SLC29A1: variants seen among roughly 807,000 people sequenced by gnomAD.
SLC29A1 encodes the protein solute carrier family 29 member 1 (Augustine blood group).
Under a neutral mutation model 48.3 loss-of-function variants are expected in SLC29A1, and 22 were observed. The observed-to-expected ratio is 0.46, with a 90% CI of 0.33 to 0.65. SLC29A1 has a LOEUF of 0.65. SLC29A1 is among the 30% of genes least tolerant of loss of function. The pLI is 0.03. For missense variants in SLC29A1, 491 were observed against 575.3 expected (o/e 0.85, Z 1.50); for synonymous variants, 228 against 231.0 (o/e 0.99, Z 0.12).
At chr6:44,228,029 G>A (rs951796634) in intron 2 of SLC29A1, among the ~76,000 whole-genome samples, 4 of 152,190 alleles carry the variant, frequency 2.6e-5, no homozygotes, top group African/African-American at 9.7e-5. Context: ...TGCCTGTGGG[G>A]GCTTTGAGCA....
rs1779014561 is a variant in SLC29A1 at position 44,232,030 on chromosome 6, C to G, written c.897C>G (p.Ile299Met). 1 of 1,614,010 alleles carries G rather than the reference C, an allele frequency of 6.2e-7. No individual in the cohort carries two copies. The highest frequency in any genetic ancestry group is 2.2e-5 in the East Asian group (1 of 44,880). Reference protein sequence around the residue: ...ISVLAFSVCFIFTITIGMFPA... With the variant: ...ISVLAFSVCFMFTITIGMFPA... ...TCCTGGCTTTCTCTGTCTGCTTCAT[C>G]TTCACTATCACCATTGGGATGTTTC... Residue 299 changes from isoleucine (I) to methionine (M), a missense_variant, in exon 10 of 13, where the codon ATC (isoleucine) becomes ATG (methionine). Physicochemically the swap from Ile to Met is conservative, Grantham distance 10. Transcript: ENST00000371755. This position sits in a 1 kb window ranked among gnomAD's most constrained non-coding sequence, Gnocchi z 4.7.
chr6:44,226,014 C>G (rs1163367445), intron 1 of SLC29A1: 1 of 707,244 alleles, frequency 1.4e-6, no homozygotes, highest in South Asian at 6.3e-5. Flanking sequence ...GGGACTCTCT[C>G]CTGATAACAC....
chr6:44,231,876 G>T (rs937226929), intron 9 of SLC29A1, 122 bp from the exon 10 acceptor site: 5 of 674,660 alleles, frequency 7.4e-6, no homozygotes, highest in Non-Finnish European at 1.3e-5. Flanking sequence ...CACCCACCTC[G>T]GCCTCCCAAA....
upstream of SLC29A1, chr6:44,223,496 G>T: frequency 9.7e-7 from 1 of 1,026,290 alleles, no homozygotes; most frequent in South Asian, 3.0e-5. The surrounding 1 kb of genome is among the most constrained non-coding windows in gnomAD (Gnocchi z 5.0). Context: ...TGGGCCGGGG[G>T]CGGGGCCGCG....
chr6:44,219,702 G>A (rs1776094083), upstream of SLC29A1: 22 of 1,288,814 alleles, frequency 1.7e-5, no homozygotes, highest in Non-Finnish European at 2.2e-5. Context: ...CCGAGATGAG[G>A]AGGGAGAGAA....
chr6:44,222,373 C>G (rs1189689783), upstream of SLC29A1, among the ~76,000 whole-genome samples: 1 of 152,098 alleles, frequency 6.6e-6, no homozygotes, highest in Admixed American at 6.5e-5. Context: ...GAGCCACTGA[C>G]CCTAATTAGA....
At chr6:44,225,521 A>G (rs1232509748) in intron 1 of SLC29A1, among the ~76,000 whole-genome samples, 1 of 151,886 alleles carries the variant, frequency 6.6e-6, no homozygotes, top group Non-Finnish European at 1.5e-5. Flanking sequence ...AAAAAAAAAA[A>G]AAAGAAAAAA....
At chr6:44,221,048 T>C (rs894516916), upstream of SLC29A1, among the ~76,000 whole-genome samples, 4 of 151,908 alleles carry the variant, frequency 2.6e-5, no homozygotes, top group Non-Finnish European at 5.9e-5. The surrounding 1 kb of genome is among the most constrained non-coding windows in gnomAD (Gnocchi z 4.2). Flanking sequence ...CCTGGCTAAT[T>C]TATTTTAATT....
intron 2 of SLC29A1, among the ~76,000 whole-genome samples, chr6:44,227,960 G>A (rs554537665): frequency 2.0e-5 from 3 of 152,256 alleles, no homozygotes; most frequent in Admixed American, 6.5e-5. Flanking sequence ...AACCCATCAC[G>A]TCTGCCCTAC....
Position 44,232,442 on chromosome 6 carries a change from G to A in SLC29A1, c.1059+14G>A, listed in dbSNP as rs760010151. The A allele has an allele frequency of 5.7e-6, 9 of 1,575,816 alleles. No individual in the cohort carries two copies. The highest frequency in any genetic ancestry group is 7.9e-6 in the Non-Finnish European group (9 of 1,145,720). On this transcript the variant is annotated intron_variant, in intron 11 of 12. Coordinates refer to ENST00000371755, the MANE Select transcript of SLC29A1 (RefSeq NM_001372327.1). This position sits in a 1 kb window ranked among gnomAD's most constrained non-coding sequence, Gnocchi z 4.7. Reference sequence around the variant, plus strand: ...GTATTCATGTGGGTAAGTGGAGGAAGAGGGCCCCAGGCCCCTGTGGGAAGT... The same window carrying A: ...GTATTCATGTGGGTAAGTGGAGGAAAAGGGCCCCAGGCCCCTGTGGGAAGT...
At position 44,231,448 on chromosome 6, in the gene SLC29A1, C is replaced by T; in HGVS notation, c.851C>T (p.Ala284Val). The T allele has an allele frequency of 6.2e-7, 1 of 1,603,344 alleles. No individual in the cohort carries two copies. The highest frequency in any genetic ancestry group is 8.5e-7 in the Non-Finnish European group (1 of 1,172,570). ...QPTNESHSIK[A>V]ILKNISVLAF... ...ACCAATGAAAGCCACTCTATCAAAG[C>T]CATCCTGAAAAATGTACGTAGGGGA... The change falls in exon 9 of 13, where the codon GCC becomes GTC. Residue 284 changes from alanine to valine, a missense_variant. Coordinates refer to ENST00000371755, the MANE Select transcript of SLC29A1 (RefSeq NM_001372327.1).
In SLC29A1 at chr6:44,233,650, G is replaced by A. The variant is rs1180332719; in HGVS notation, c.*122G>A. ...CTTCTAACTGACTTCTGCTTTCCAC[G>A]GCGTGTGCTGGGCCCGGATCTCCAG... On this transcript the variant is annotated 3_prime_UTR_variant, in exon 13 of 13. Transcript: ENST00000371755. 2.7e-6 allele frequency: 2 copies of A among 752,908 alleles called. No homozygotes were observed. The highest frequency in any genetic ancestry group is 4.4e-5 in the Admixed American group (2 of 45,724). The allele number at this position is 752,908 out of a possible 1,614,324, so 46.6% of individuals were successfully genotyped here.
At position 44,226,853 on chromosome 6, in the gene SLC29A1, C is replaced by T. The variant is rs116419665; in HGVS notation, c.-51-410C>T. The T allele has an allele frequency of 2.0e-3, 2,025 of 1,026,568 alleles. 31 individuals carry two copies. The African/African-American group carries it at 0.032, about 16-fold the overall frequency. 63.6% of individuals were successfully genotyped at this position (1,026,568 alleles called of 1,614,324 possible). On this transcript the variant is annotated intron_variant, in intron 1 of 12. Transcript: ENST00000371755. ...TGTGTCTCCTCCATTTGTCTCCCTCCTTCCCTTGTCATCACTGTCCCTGAC... is the reference window on the plus strand; with the variant it reads ...TGTGTCTCCTCCATTTGTCTCCCTCTTTCCCTTGTCATCACTGTCCCTGAC...
rs2153286635 is a variant in SLC29A1, at chr6:44,227,259, G to T, written c.-51-4G>T. 1 of 1,613,024 alleles carries T rather than the reference G, an allele frequency of 6.2e-7. No homozygotes were observed. The highest frequency in any genetic ancestry group is 8.5e-7 in the Non-Finnish European group (1 of 1,179,466). On this transcript the variant is annotated splice_region_variant and splice_polypyrimidine_tract_variant and intron_variant, in intron 1 of 12. Coordinates refer to ENST00000371755, the MANE Select transcript of SLC29A1 (RefSeq NM_001372327.1). ...GGGCCTCACACTGTTCCTGCCCCCAGCAGGCCCCTGAGGGAGGGAGCTGTC... is the reference window on the plus strand; with the variant it reads ...GGGCCTCACACTGTTCCTGCCCCCATCAGGCCCCTGAGGGAGGGAGCTGTC...
At chr6:44,226,104 ACCT>A (rs1777473002) in intron 1 of SLC29A1, 1 of 985,104 alleles carries the variant, frequency 1.0e-6, no homozygotes, top group Non-Finnish European at 1.2e-6. Flanking sequence ...AACTAGGAGC[ACCT>A]CCTAGGGACT....
At position 44,229,931 on chromosome 6, in the gene SLC29A1, G is replaced by C; in HGVS notation, c.339G>C (p.Leu113=). The change falls in exon 5 of 13, where the codon CTG becomes CTC. Residue 113 remains leucine, a synonymous_variant. Transcript: ENST00000371755. This position sits in a 1 kb window ranked among gnomAD's most constrained non-coding sequence, Gnocchi z 5.1. ...HQRIPQSVRI[L]GSLVAILLVF... is the part of the protein sequence containing the mutation. ...GGATCCCCCAGTCCGTACGGATCCTGGGCAGCCTGGTGGCCATCCTGCTGG... is the reference window on the plus strand; with the variant it reads ...GGATCCCCCAGTCCGTACGGATCCTCGGCAGCCTGGTGGCCATCCTGCTGG... 1 of 1,613,442 alleles carries C rather than the reference G, an allele frequency of 6.2e-7. No homozygotes were observed. Among genetic ancestry groups the C allele is most frequent in the Non-Finnish European group, 8.5e-7 (1 of 1,180,028 alleles).
At chr6:44,223,552 G>T (rs1258201536), upstream of SLC29A1, 2 of 1,193,438 alleles carry the variant, frequency 1.7e-6, no homozygotes, top group African/African-American at 1.6e-5. The surrounding 1 kb of genome is among the most constrained non-coding windows in gnomAD (Gnocchi z 5.0). Context: ...CGAGCTCAGC[G>T]GAGGGCGGGT....
upstream of SLC29A1, chr6:44,219,880 G>A (rs1182812883): frequency 2.3e-6 from 2 of 851,984 alleles, no homozygotes; most frequent in East Asian, 1.5e-4. Flanking sequence ...GGGGCCAGTA[G>A]GGGGACCCGC....
chr6:44,223,407 A>T, upstream of SLC29A1: 2 of 353,392 alleles, frequency 5.7e-6, no homozygotes, highest in Non-Finnish European at 3.9e-6. This position sits in a 1 kb window ranked among gnomAD's most constrained non-coding sequence, Gnocchi z 5.0. Flanking sequence ...CCGCAATAAC[A>T]CGACCAGGCG....
Sources: gnomAD v4.1 joint callset for allele counts (sites outside exome capture counted in the v4.1 genomes callset) on GRCh38, gnomAD v4.1.1 for gene constraint, Gnocchi (gnomAD v3.1) non-coding constraint, MANE v1.5 for transcripts, NCBI Gene and HGNC (gene_info 2026-07-23, HGNC 2026-07-21) for gene names.